Variants in DCDC2C observed in about 807,000 individuals in gnomAD.
DCDC2C encodes doublecortin domain-containing protein 2C.
Under a neutral mutation model 45.0 loss-of-function variants are expected in DCDC2C, and 44 were observed. The observed-to-expected ratio is 0.98, with a 90% CI of 0.77 to 1.26. The LOEUF (loss-of-function observed/expected upper bound fraction) is 1.26. Ranked by LOEUF, DCDC2C falls within the 50% of genes most tolerant of loss-of-function variation. DCDC2C has a pLI of 0.00. For missense variants in DCDC2C, 447 were observed against 468.9 expected (o/e 0.95, Z 0.43); for synonymous variants, 187 against 178.8 (o/e 1.05, Z -0.37).
At chr2:3,766,310 G>GCATACACACACACA (rs775538945) in intron 6 of DCDC2C, among the ~76,000 whole-genome samples, 144 of 146,068 alleles carry the variant, frequency 9.9e-4, no homozygotes, top group African/African-American at 3.4e-3. Flanking sequence ...ACACACACAC[G>GCATACACACACACA]CACACACACA....
chr2:3,725,697 A>AGAGGAAGACGAGCAGAGAGG (rs1668645726), intron 2 of DCDC2C, among the ~76,000 whole-genome samples: 2 of 114,728 alleles, frequency 1.7e-5, no homozygotes, highest in Non-Finnish European at 3.8e-5. Context: ...GGTGGATCCC[A>AGAGGAAGACGAGCAGAGAGG]GAGGGAGATG....
intron 10 of DCDC2C, among the ~76,000 whole-genome samples, chr2:3,803,000 C>A (rs1671150032): frequency 6.6e-6 from 1 of 152,204 alleles, no homozygotes; most frequent in Non-Finnish European, 1.5e-5. Flanking sequence ...GTTTTCCCAC[C>A]TATATTCATG....
intron 10 of DCDC2C, among the ~76,000 whole-genome samples, chr2:3,809,682 G>C (rs931083593): frequency 1.3e-5 from 2 of 152,078 alleles, no homozygotes; most frequent in African/African-American, 4.8e-5. Context: ...TGTTACACAG[G>C]TATACATGTG....
At chr2:3,834,193 ACAT>A (rs201824350) in intron 10 of DCDC2C, among the ~76,000 whole-genome samples, 2,024 of 149,296 alleles carry the variant, frequency 0.014, 19 homozygotes, top group Middle Eastern at 0.024. Context: ...CTGACCCCTC[ACAT>A]CATCATCACC....
intron 8 of DCDC2C, among the ~76,000 whole-genome samples, chr2:3,776,742 C>T (rs1670351909): frequency 6.6e-6 from 1 of 152,206 alleles, no homozygotes; most frequent in Non-Finnish European, 1.5e-5. Context: ...CCTCCAGGAA[C>T]ATATGCACAT....
chr2:3,778,275 A>G (rs1332336781), intron 8 of DCDC2C, among the ~76,000 whole-genome samples: 2 of 152,196 alleles, frequency 1.3e-5, no homozygotes, highest in Non-Finnish European at 2.9e-5. Context: ...ACTGCTACAG[A>G]AATATAAAGG....
intron 10 of DCDC2C, among the ~76,000 whole-genome samples, chr2:3,821,121 G>A (rs2148223995): frequency 6.6e-6 from 1 of 152,296 alleles, no homozygotes; most frequent in South Asian, 2.1e-4. Context: ...TACAATCAAA[G>A]GGGATTGTTC....
intron 10 of DCDC2C, among the ~76,000 whole-genome samples, chr2:3,796,426 A>G (rs1411308826): frequency 8.7e-5 from 10 of 114,708 alleles, no homozygotes; most frequent in Non-Finnish European, 1.6e-4. Flanking sequence ...GTAGTGAGAG[A>G]GGGCATCCCT....
At chr2:3,817,074 A>C (rs989750906) in intron 10 of DCDC2C, among the ~76,000 whole-genome samples, 3 of 152,144 alleles carry the variant, frequency 2.0e-5, no homozygotes, top group Non-Finnish European at 4.4e-5. Context: ...GATAGGTGGA[A>C]GTTTCAGTGG....
chr2:3,799,263 T>C (rs908896851), intron 10 of DCDC2C, among the ~76,000 whole-genome samples: 49 of 152,328 alleles, frequency 3.2e-4, no homozygotes, highest in African/African-American at 1.2e-3. Context: ...ATTCTAGTTA[T>C]ACATTCTTCT....
chr2:3,740,892 G>T lies in DCDC2C; in HGVS notation c.417-1028G>T, dbSNP rs971065781. Among the ~76,000 whole-genome samples, 3 of 152,076 alleles carry T rather than the reference G, an allele frequency of 2.0e-5. No individual in the cohort carries two copies. The East Asian group carries it at 5.8e-4, about 29-fold the overall frequency. ...CATTTAAGGAAGAAGACAAAAAATG[G>T]CAGTAATAGTAAATTATAATGTAAA... On this transcript the variant is annotated intron_variant, in intron 3 of 10. Coordinates refer to ENST00000399143, the MANE Select transcript of DCDC2C (RefSeq NM_001287444.2).
intron 6 of DCDC2C, among the ~76,000 whole-genome samples, chr2:3,766,897 G>A (rs1670027666): frequency 6.6e-6 from 1 of 152,214 alleles, no homozygotes; most frequent in African/African-American, 2.4e-5. Context: ...ATTTTTGACT[G>A]TTTGATGGTG....
chr2:3,843,785 T>G (rs1672268137), intron 10 of DCDC2C, among the ~76,000 whole-genome samples: 1 of 152,220 alleles, frequency 6.6e-6, no homozygotes, highest in Non-Finnish European at 1.5e-5. Context: ...AATTTTTAAA[T>G]GACTAATGGA....
At chr2:3,846,666 T>C (rs985975674) in intron 10 of DCDC2C, among the ~76,000 whole-genome samples, 1 of 152,144 alleles carries the variant, frequency 6.6e-6, no homozygotes, top group Non-Finnish European at 1.5e-5. Flanking sequence ...TGGGGCTTAG[T>C]TTTAGAGTGG....
intron 10 of DCDC2C, among the ~76,000 whole-genome samples, chr2:3,807,747 C>T (rs1174744619): frequency 6.6e-6 from 1 of 152,006 alleles, no homozygotes; most frequent in South Asian, 2.1e-4. Flanking sequence ...CCCATGCCAC[C>T]CCCATGCCCT....
chr2:3,828,246 T>G (rs1558245356), intron 10 of DCDC2C, among the ~76,000 whole-genome samples: 4 of 152,218 alleles, frequency 2.6e-5, no homozygotes. Context: ...ACCTGTCTTG[T>G]GCTTGGTGAC....
intron 10 of DCDC2C, among the ~76,000 whole-genome samples, chr2:3,829,619 C>A (rs1393052209): frequency 6.6e-6 from 1 of 152,168 alleles, no homozygotes; most frequent in African/African-American, 2.4e-5. Flanking sequence ...CTGCTCCAAG[C>A]AAAATTAATC....
At chr2:3,828,564 G>A (rs532706311) in intron 10 of DCDC2C, among the ~76,000 whole-genome samples, 1 of 152,338 alleles carries the variant, frequency 6.6e-6, no homozygotes, top group African/African-American at 2.4e-5. Flanking sequence ...GCATTACACA[G>A]GGCTGTTGAA....
chr2:3,821,077 C>A (rs912699382), intron 10 of DCDC2C, among the ~76,000 whole-genome samples: 1 of 151,888 alleles, frequency 6.6e-6, no homozygotes, highest in Non-Finnish European at 1.5e-5. Context: ...AGGGATGGGG[C>A]CGTTTTATAG....
Sources: gnomAD v4.1 joint callset for allele counts (sites outside exome capture counted in the v4.1 genomes callset) on GRCh38, gnomAD v4.1.1 for gene constraint, MANE v1.5 for transcripts, NCBI Gene and HGNC (gene_info 2026-07-23, HGNC 2026-07-21) for gene names.